The following SSH2 variants were observed in gnomAD, a reference collection of about 807,000 sequenced individuals.
SSH2 encodes the protein slingshot protein phosphatase 2.
A neutral mutation model predicts 135.2 loss-of-function variants in SSH2; 37 were observed. The ratio of observed to expected loss-of-function variants is 0.27; its 90% confidence interval spans 0.21 to 0.36. The LOEUF (loss-of-function observed/expected upper bound fraction) is 0.36. Ranked by LOEUF, SSH2 falls within the 10% of genes least tolerant of loss-of-function variation. SSH2 has a pLI of 1.00. For synonymous variants in SSH2, 628 were observed against 646.2 expected, an observed-to-expected ratio of 0.97 and a Z score of 0.43; for missense variants, 1,408 against 1,765.3, an observed-to-expected ratio of 0.80 and a Z score of 3.63.
intron 2 of SSH2, among the ~76,000 whole-genome samples, chr17:29,823,750 G>A (rs1446696422): frequency 6.6e-6 from 1 of 151,808 alleles, no homozygotes; most frequent in Non-Finnish European, 1.5e-5. Context: ...GTGGTGACGC[G>A]TTCCTGTAAT....
rs1036744160 is a variant in SSH2, at chr17:29,897,164, C to A, written c.63+32774G>T. ...CATGGAAAGGAACAACCGGTACCAG[C>A]CACTGCAAAAACATGCCAAATTGTA... On this transcript the variant is annotated intron_variant, in intron 1 of 15. Coordinates refer to ENST00000540801, the MANE Select transcript of SSH2 (RefSeq NM_001282129.2). Among the ~76,000 whole-genome samples the A allele has an allele frequency of 2.0e-5, 3 of 151,974 alleles. No individual in the cohort carries two copies. The East Asian group carries it at 5.8e-4, about 29-fold the overall frequency.
At chr17:29,798,106 C>T (rs1314561622) in intron 2 of SSH2, among the ~76,000 whole-genome samples, 2 of 152,042 alleles carry the variant, frequency 1.3e-5, no homozygotes, top group East Asian at 1.9e-4. Context: ...ATTCTTTTCC[C>T]CTATGGTTAT....
intron 1 of SSH2, among the ~76,000 whole-genome samples, chr17:29,889,628 G>GA (rs958995255): frequency 6.6e-6 from 1 of 151,502 alleles, no homozygotes; most frequent in African/African-American, 2.4e-5. Flanking sequence ...CATAAAGAAA[G>GA]AAAAAAGACA....
intron 1 of SSH2, among the ~76,000 whole-genome samples, chr17:29,921,491 T>C (rs2066975512): frequency 6.6e-6 from 1 of 152,212 alleles, no homozygotes; most frequent in East Asian, 1.9e-4. Flanking sequence ...AAGATATCTG[T>C]CTATGCTTAA....
Position 29,655,622 on chromosome 17 carries a change from A to T in SSH2, c.1033-15T>A, listed in dbSNP as rs1366064506. On this transcript the variant is annotated splice_polypyrimidine_tract_variant and intron_variant, in intron 11 of 15. Coordinates refer to ENST00000540801, the MANE Select transcript of SSH2 (RefSeq NM_001282129.2). ...CATTCTGAGCCCTATGGAGCCAAAA[A>T]GACAAGGTTAAGGAGTATTAGCAAA... is the stretch of plus-strand genomic sequence containing the variant. The T allele has an allele frequency of 6.2e-7, 1 of 1,613,194 alleles. No individual in the cohort carries two copies. Among genetic ancestry groups the T allele is most frequent in the Non-Finnish European group, 8.5e-7 (1 of 1,179,264 alleles).
chr17:29,678,093 ATTTT>A (rs56386467), intron 6 of SSH2, among the ~76,000 whole-genome samples: 4 of 136,014 alleles, frequency 2.9e-5, no homozygotes, highest in Non-Finnish European at 6.3e-5. Context: ...GACTCCAAGG[ATTTT>A]TTTTTTTTTT....
intron 9 of SSH2, among the ~76,000 whole-genome samples, chr17:29,670,646 C>A (rs940284311): frequency 2.6e-5 from 4 of 152,200 alleles, no homozygotes; most frequent in African/African-American, 9.6e-5. Flanking sequence ...TGGTGGCATG[C>A]GCCTGTAATC....
At chr17:29,728,422 CAT>C (rs1336577825) in intron 3 of SSH2, among the ~76,000 whole-genome samples, 2 of 152,132 alleles carry the variant, frequency 1.3e-5, no homozygotes, top group Non-Finnish European at 1.5e-5. Flanking sequence ...AAAAGGAAAA[CAT>C]ATTCCATGTT....
intron 3 of SSH2, among the ~76,000 whole-genome samples, chr17:29,756,773 G>A (rs2041143485): frequency 6.6e-6 from 1 of 151,992 alleles, no homozygotes; most frequent in Admixed American, 6.6e-5. Context: ...TCCTACCTCA[G>A]CCTCCGGAGT....
intron 3 of SSH2, among the ~76,000 whole-genome samples, chr17:29,747,518 A>G (rs1320789386): frequency 6.6e-6 from 1 of 152,250 alleles, no homozygotes; most frequent in East Asian, 1.9e-4. Flanking sequence ...ATCTATTTAT[A>G]AATTACTGGC....
At chr17:29,879,498 C>A (rs563343861) in intron 1 of SSH2, among the ~76,000 whole-genome samples, 1 of 152,102 alleles carries the variant, frequency 6.6e-6, no homozygotes, top group Non-Finnish European at 1.5e-5. Context: ...TAGCCTCCCC[C>A]ATTATCAACA....
chr17:29,924,256 C>T (rs781311393), intron 1 of SSH2, among the ~76,000 whole-genome samples: 13 of 151,998 alleles, frequency 8.6e-5, no homozygotes, highest in Non-Finnish European at 1.6e-4. Context: ...TTTGTATTTG[C>T]CTTGGCTTTA....
intron 2 of SSH2, among the ~76,000 whole-genome samples, chr17:29,809,328 T>C (rs970498545): frequency 7.2e-5 from 11 of 152,216 alleles, no homozygotes; most frequent in African/African-American, 2.4e-5. Flanking sequence ...TTAATTTTCC[T>C]CTACTCCTCA....
At chr17:29,742,877 C>T (rs972234982) in intron 3 of SSH2, among the ~76,000 whole-genome samples, 2 of 152,040 alleles carry the variant, frequency 1.3e-5, no homozygotes, top group African/African-American at 4.8e-5. Flanking sequence ...TCAAGTGATC[C>T]GCCGACCTCA....
chr17:29,698,984 C>G (rs983562014), intron 4 of SSH2, among the ~76,000 whole-genome samples: 8 of 152,296 alleles, frequency 5.3e-5, no homozygotes, highest in Admixed American at 4.6e-4. Flanking sequence ...GAGTCCTACT[C>G]AAGTAAGCCT....
chr17:29,697,201 C>T, intron 4 of SSH2, among the ~76,000 whole-genome samples: 1 of 152,190 alleles, frequency 6.6e-6, no homozygotes, highest in African/African-American at 2.4e-5. Context: ...AATGTACTAT[C>T]ATAAATTATG....
chr17:29,842,209 T>C (rs1027579859), intron 2 of SSH2, among the ~76,000 whole-genome samples: 4 of 151,954 alleles, frequency 2.6e-5, no homozygotes, highest in Non-Finnish European at 5.9e-5. Flanking sequence ...ACCCCAGCAC[T>C]CTGGGAGGCC....
In SSH2 at chr17:29,626,878, C is replaced by A. The variant is rs2150950988; in HGVS notation, c.*3963G>T. 6.6e-6 allele frequency: 1 copy of A among 152,616 alleles called. No individual in the cohort carries two copies. The highest frequency in any genetic ancestry group is 2.1e-4 in the South Asian group (1 of 4,832). The allele number at this position is 152,616 out of a possible 1,614,324, so 9.5% of individuals were successfully genotyped here. A position where few individuals can be genotyped will look rare whatever the true frequency, so the allele number is the denominator to read the frequency against. On this transcript the variant is annotated 3_prime_UTR_variant, in exon 16 of 16. Coordinates refer to ENST00000540801, the MANE Select transcript of SSH2 (RefSeq NM_001282129.2). Reference sequence around the variant, plus strand: ...TTAAGTTGGATTGATGCTGAAACAGCTAAAATTTCATCTTATCCACCATCA... The same window carrying A: ...TTAAGTTGGATTGATGCTGAAACAGATAAAATTTCATCTTATCCACCATCA...
chr17:29,692,310 C>T (rs2038519894), intron 5 of SSH2, among the ~76,000 whole-genome samples: 1 of 152,124 alleles, frequency 6.6e-6, no homozygotes, highest in African/African-American at 2.4e-5. Flanking sequence ...TACAGAAGTG[C>T]TAATTTGTCC....
Sources: gnomAD v4.1 joint callset for allele counts (sites outside exome capture counted in the v4.1 genomes callset) on GRCh38, gnomAD v4.1.1 for gene constraint, MANE v1.5 for transcripts, NCBI Gene and HGNC (gene_info 2026-07-23, HGNC 2026-07-21) for gene names.